ZNF589: variants seen among roughly 807,000 people sequenced by gnomAD.
The protein encoded by ZNF589 is KRAB-zinc finger protein SZF1-1.
ZNF589 carries 17 observed loss-of-function variants against 13.6 expected under a neutral mutation model. The observed-to-expected ratio is 1.25, with a 90% CI of 0.86 to 1.88. The LOEUF is 1.88. Ranked by LOEUF, ZNF589 falls within the 40% of genes most tolerant of loss-of-function variation. The pLI, the probability that ZNF589 is intolerant of heterozygous loss-of-function variation, is 0.00. For synonymous variants in ZNF589, 148 were observed against 161.6 expected, an observed-to-expected ratio of 0.92 and a Z score of 0.64; for missense variants, 407 against 434.0, an observed-to-expected ratio of 0.94 and a Z score of 0.55.
intron 2 of ZNF589, among the ~76,000 whole-genome samples, chr3:48,247,964 A>G (rs2033787468): frequency 6.6e-6 from 1 of 152,232 alleles, no homozygotes; most frequent in African/African-American, 2.4e-5. Context: ...ATGCACTATT[A>G]AAGTTCCCTA....
chr3:48,267,244 C>A (rs1317423730), intron 3 of ZNF589, among the ~76,000 whole-genome samples: 2 of 152,182 alleles, frequency 1.3e-5, no homozygotes, highest in Non-Finnish European at 2.9e-5. Context: ...AGTAATGTTA[C>A]CATTTAGCTG....
rs766465215 is a variant in ZNF589 at position 48,260,922 on chromosome 3, G to A, written c.206G>A (p.Arg69Lys). Reference sequence around the variant, plus strand: ...AAAGAAGTGATGCTGGAAAATCTCAGGAATCTGGTCTCATTGGGTAAGGAC... The same window carrying A: ...AAAGAAGTGATGCTGGAAAATCTCAAGAATCTGGTCTCATTGGGTAAGGAC... ...LYKEVMLENL[R>K]NLVSLAESKP... Residue 69 changes from arginine to lysine, a missense_variant, in exon 3 of 4, where the codon AGG becomes AAG. Physicochemically the swap from Arg to Lys is conservative, Grantham distance 26. Transcript: ENST00000354698. 3 of 1,614,074 alleles carry A rather than the reference G, an allele frequency of 1.9e-6. No individual in the cohort carries two copies. The South Asian group carries it at 3.3e-5, about 18-fold the overall frequency.
At chr3:48,266,792 A>G (rs1016313358) in intron 3 of ZNF589, among the ~76,000 whole-genome samples, 1 of 152,222 alleles carries the variant, frequency 6.6e-6, no homozygotes, top group Non-Finnish European at 1.5e-5. Flanking sequence ...ATCGCAACAG[A>G]GAATCTTCCA....
intron 2 of ZNF589, among the ~76,000 whole-genome samples, chr3:48,254,857 GTT>G (rs770478107): frequency 6.9e-6 from 1 of 145,382 alleles, no homozygotes; most frequent in Admixed American, 6.9e-5. Flanking sequence ...TAGTTCCAAG[GTT>G]TTTTTTTTTT....
rs1479405687 is a variant in ZNF589, at chr3:48,241,185, G to C, written c.14G>C (p.Arg5Pro). ...GTGCGCGCGCAGATGTGGGCCCCGC[G>C]GGAGCAGCTACTGGGCTGGACTGCG... MWAP[R>P]EQLLGWTAEA... Residue 5 changes from arginine (R) to proline (P), a missense_variant, in exon 1 of 4, where the codon CGG (arginine) becomes CCG (proline). Coordinates refer to ENST00000354698, the MANE Select transcript of ZNF589 (RefSeq NM_016089.3). 5.6e-6 allele frequency: 9 copies of C among 1,613,504 alleles called. No homozygotes were observed. Among genetic ancestry groups the C allele is most frequent in the Non-Finnish European group, 7.6e-6 (9 of 1,179,924 alleles).
chr3:48,270,317 CAT>C lies in ZNF589; in HGVS notation c.*1533_*1534del. 1 of 435,664 alleles carries C rather than the reference CAT, an allele frequency of 2.3e-6. No homozygotes were observed. The highest frequency in any genetic ancestry group is 4.6e-6 in the Non-Finnish European group (1 of 215,850). The allele number at this position is 435,664 out of a possible 1,614,324, so 27.0% of individuals were successfully genotyped here. ...AAGTTCTTCAGACTCAGGACTTAAA[CAT>C]AGCCACGCCACCTTGGCCTTCAATG... On this transcript the variant is annotated 3_prime_UTR_variant, in exon 4 of 4. Transcript: ENST00000354698.
intron 1 of ZNF589, among the ~76,000 whole-genome samples, chr3:48,242,105 C>T (rs2033704971): frequency 6.6e-6 from 1 of 151,870 alleles, no homozygotes; most frequent in Non-Finnish European, 1.5e-5. Flanking sequence ...AGCCACCCCA[C>T]CCGGCCCAAA....
At chr3:48,242,066 C>G (rs2033704689) in intron 1 of ZNF589, among the ~76,000 whole-genome samples, 1 of 152,024 alleles carries the variant, frequency 6.6e-6, no homozygotes, top group Non-Finnish European at 1.5e-5. Context: ...CCCACCTTGG[C>G]CTCCCACAAT....
chr3:48,255,442 C>T (rs1352005078), intron 2 of ZNF589, among the ~76,000 whole-genome samples: 2 of 145,944 alleles, frequency 1.4e-5, no homozygotes, highest in Non-Finnish European at 3.0e-5. Flanking sequence ...TCCCAAAGTG[C>T]TGATATTACA....
At chr3:48,242,611 C>T (rs954112706) in intron 1 of ZNF589, among the ~76,000 whole-genome samples, 4 of 152,008 alleles carry the variant, frequency 2.6e-5, no homozygotes, top group African/African-American at 7.2e-5. Context: ...GTCTTGCAAA[C>T]GTTTTCTTTT....
intron 2 of ZNF589, chr3:48,257,933 C>T (rs867482849): frequency 8.9e-6 from 4 of 448,896 alleles, no homozygotes; most frequent in African/African-American, 4.0e-5. Context: ...CCATAGATAC[C>T]CTGTCTCAAG....
At chr3:48,247,345 C>T (rs182348028) in intron 1 of ZNF589, among the ~76,000 whole-genome samples, 16 of 151,982 alleles carry the variant, frequency 1.1e-4, no homozygotes, top group Admixed American at 3.9e-4. Context: ...TGCCTTGTCT[C>T]AACAGTTTTG....
At chr3:48,249,794 G>A (rs184576158) in intron 2 of ZNF589, among the ~76,000 whole-genome samples, 3 of 152,242 alleles carry the variant, frequency 2.0e-5, no homozygotes, top group African/African-American at 7.2e-5. Flanking sequence ...GTTTCTTTGT[G>A]ATGAGAACAT....
chr3:48,268,447 G>T lies in ZNF589; in HGVS notation c.756G>T (p.Glu252Asp). 1 of 1,614,210 alleles carries T rather than the reference G, an allele frequency of 6.2e-7. No homozygotes were observed. The highest frequency in any genetic ancestry group is 8.5e-7 in the Non-Finnish European group (1 of 1,180,036). ...AAAGGCAGTCACAGGTGTGCAGGGA[G>T]TGTGGGCGAGGCTTTAGCAGGAAGT... ...SDKRQSQVCRECGRGFSRKSQ... is the reference protein window; with the variant it reads ...SDKRQSQVCRDCGRGFSRKSQ... The change falls in exon 4 of 4, where the codon GAG becomes GAT. Residue 252 changes from glutamate (E) to aspartate (D), a missense_variant. By Grantham distance (45) the Glu-to-Asp change is conservative (BLOSUM62 2). Transcript: ENST00000354698.
Position 48,269,341 on chromosome 3 carries a change from C to A in ZNF589, c.*555C>A. The A allele has an allele frequency of 8.4e-7, 1 of 1,195,728 alleles. No homozygotes were observed. The highest frequency in any genetic ancestry group is 1.2e-6 in the Non-Finnish European group (1 of 853,754). 74.1% of individuals were successfully genotyped at this position (1,195,728 alleles called of 1,614,324 possible). The stretch of plus-strand genomic sequence containing the variant: ...CCCTCCACTACCACCGGAGTACACA[C>A]TCCAAGGAAAAACCTTATGTGTGCA... On this transcript the variant is annotated 3_prime_UTR_variant, in exon 4 of 4. Transcript: ENST00000354698.
At chr3:48,267,766 G>C in intron 3 of ZNF589, 149 bp from the exon 4 acceptor site, 1 of 696,508 alleles carries the variant, frequency 1.4e-6, no homozygotes, top group African/African-American at 1.8e-5. Flanking sequence ...GTTTGAAGAG[G>C]TTGAATGAAA....
rs555747778 is a variant in ZNF589 at position 48,270,613 on chromosome 3, C to T, written c.*1827C>T. 1 of 239,582 alleles carries T rather than the reference C, an allele frequency of 4.2e-6. No individual in the cohort carries two copies. The highest frequency in any genetic ancestry group is 5.0e-5 in the Admixed American group (1 of 19,936). The allele number at this position is 239,582 out of a possible 1,614,324, so 14.8% of individuals were successfully genotyped here. On this transcript the variant is annotated 3_prime_UTR_variant, in exon 4 of 4. Transcript: ENST00000354698. ...TGATACCCTGTGTCAATGAGTGTACCTTGGAGAGCTATCCACTCAGGCCCC... is the reference window on the plus strand; with the variant it reads ...TGATACCCTGTGTCAATGAGTGTACTTTGGAGAGCTATCCACTCAGGCCCC...
intron 2 of ZNF589, among the ~76,000 whole-genome samples, chr3:48,253,968 G>C (rs1272961041): frequency 6.6e-6 from 1 of 152,140 alleles, no homozygotes; most frequent in African/African-American, 2.4e-5. Context: ...GCATGTACCT[G>C]TATCCTAGCT....
rs201488055 is a variant in ZNF589, at chr3:48,249,097, C to CT, written c.96+1429dup. Among the ~76,000 whole-genome samples the CT allele has an allele frequency of 1.4e-4, 19 of 135,666 alleles. No individual in the cohort carries two copies. The East Asian group carries it at 2.4e-3, about 17-fold the overall frequency. The allele number at this position is 135,666 out of a possible 152,430, so 89.0% of individuals were successfully genotyped here. ...CCCGTATTCCCTTCTCTGCCCCAAC[C>CT]TTTTTTTTTCTTTTTTTTTTTTGAG... On this transcript the variant is annotated intron_variant, in intron 2 of 3. Coordinates refer to ENST00000354698, the MANE Select transcript of ZNF589 (RefSeq NM_016089.3).
Sources: allele counts gnomAD v4.1 joint callset (sites outside exome capture counted in the v4.1 genomes callset), GRCh38; gene constraint gnomAD v4.1.1; transcripts MANE v1.5; gene names NCBI Gene and HGNC (gene_info 2026-07-23, HGNC 2026-07-21).